PKN2: variants seen among roughly 807,000 people sequenced by gnomAD.
The protein encoded by PKN2 is serine/threonine-protein kinase N2.
In PKN2, 38 loss-of-function variants were observed where a neutral mutation model predicts 119.1. The ratio of observed to expected loss-of-function variants is 0.32; its 90% CI spans 0.25 to 0.42. The LOEUF is 0.42. PKN2 is among the 10% of genes least tolerant of loss of function. PKN2 has a pLI of 1.00. For missense variants in PKN2, 850 were observed against 1,165.1 expected (o/e 0.73, Z 3.94); for synonymous variants, 390 against 384.9 (o/e 1.01, Z -0.15).
chr1:88,818,042 A>G (rs1403327687), intron 16 of PKN2, among the ~76,000 whole-genome samples: 5 of 152,194 alleles, frequency 3.3e-5, no homozygotes, highest in Admixed American at 6.5e-5. Context: ...ATACAAATCA[A>G]TGTGCAAAAA....
chr1:88,691,038 T>C (rs1666313403), intron 1 of PKN2, among the ~76,000 whole-genome samples: 1 of 152,150 alleles, frequency 6.6e-6, no homozygotes, highest in Non-Finnish European at 1.5e-5. Flanking sequence ...ACACAATACA[T>C]GTGCTGAGAG....
At chr1:88,819,395 CA>C (rs536105953) in intron 16 of PKN2, among the ~76,000 whole-genome samples, 133 of 152,002 alleles carry the variant, frequency 8.7e-4, no homozygotes, top group African/African-American at 2.7e-3. Flanking sequence ...GACATTTATC[CA>C]AAAAACATAT....
chr1:88,716,759 C>T (rs549438798), intron 1 of PKN2, among the ~76,000 whole-genome samples: 1 of 152,190 alleles, frequency 6.6e-6, no homozygotes, highest in Admixed American at 6.5e-5. Flanking sequence ...GTTTGCCAGT[C>T]TGTGTCTTTT....
At chr1:88,718,713 A>G (rs922729330) in intron 1 of PKN2, among the ~76,000 whole-genome samples, 1 of 152,206 alleles carries the variant, frequency 6.6e-6, no homozygotes. Context: ...GGACTATCCT[A>G]TATTTAATAA....
intron 2 of PKN2, among the ~76,000 whole-genome samples, chr1:88,743,297 A>G (rs935422417): frequency 4.6e-5 from 7 of 152,200 alleles, no homozygotes; most frequent in African/African-American, 1.2e-4. Flanking sequence ...CCAGCTAACC[A>G]TCTCTACAAT....
intron 1 of PKN2, among the ~76,000 whole-genome samples, chr1:88,723,016 C>T (rs1399486667): frequency 6.6e-6 from 1 of 152,084 alleles, no homozygotes; most frequent in Non-Finnish European, 1.5e-5. Context: ...GATCAAGGAT[C>T]GCTTTCCACC....
intron 1 of PKN2, among the ~76,000 whole-genome samples, chr1:88,716,418 G>T (rs904937039): frequency 6.6e-6 from 1 of 152,152 alleles, no homozygotes; most frequent in Non-Finnish European, 1.5e-5. Flanking sequence ...TTATTATTGT[G>T]TGGGAGTCTA....
chr1:88,687,204 C>T lies in PKN2; in HGVS notation c.48+2576C>T, dbSNP rs140657725. ...CTACAGTATTCTGTCTTGTTAATTA[C>T]TGTAATAGCATGGAGTAATGTTTTT... On this transcript the variant is annotated intron_variant, in intron 1 of 21. Coordinates refer to ENST00000370521, the MANE Select transcript of PKN2 (RefSeq NM_006256.4). Among the ~76,000 whole-genome samples the T allele has an allele frequency of 2.5e-3, 375 of 152,158 alleles. 1 individual carries two copies. Among genetic ancestry groups the T allele is most frequent in the African/African-American group, 8.7e-3 (362 of 41,538 alleles).
intron 19 of PKN2, chr1:88,828,871 G>A: frequency 1.7e-6 from 1 of 602,296 alleles, no homozygotes; most frequent in East Asian, 3.1e-5. Flanking sequence ...CTTTTATTAT[G>A]TTTTCTGATT....
chr1:88,806,276 TCTC>T (rs1183510448), intron 12 of PKN2: 3 of 395,944 alleles, frequency 7.6e-6, no homozygotes, highest in Non-Finnish European at 1.4e-5. Context: ...TGCAAGCCAT[TCTC>T]CTATCTCAGC....
In PKN2 at chr1:88,833,302, A is replaced by G. The variant is rs543193317; in HGVS notation, c.2809A>G (p.Ile937Val). 1.2e-5 allele frequency: 19 copies of G among 1,613,458 alleles called. No individual in the cohort carries two copies. The Admixed American group carries it at 1.3e-4, about 11-fold the overall frequency. Residue 937 changes from isoleucine to valine, a missense_variant, in exon 22 of 22, where the codon ATA becomes GTA. By Grantham distance (29) the Ile-to-Val change is conservative (BLOSUM62 3). This residue lies in a region of PKN2 where 95 missense variants were observed against 150.2 expected (regional missense o/e 0.63). Coordinates refer to ENST00000370521, the MANE Select transcript of PKN2 (RefSeq NM_006256.4). ...AGTAAAGCCACCATTTATACCTACC[A>G]TAAGAGGACGAGAAGATGTTAGTAA... ...KKVKPPFIPT[I>V]RGREDVSNFD...
intron 1 of PKN2, among the ~76,000 whole-genome samples, chr1:88,698,643 A>G (rs1004172116): frequency 2.0e-5 from 3 of 152,242 alleles, no homozygotes; most frequent in Non-Finnish European, 4.4e-5. Flanking sequence ...ACTGAAATGT[A>G]TAAAATTAGA....
Position 88,740,984 on chromosome 1 carries a change from G to T in PKN2, c.49-4G>T. Reference sequence around the variant, plus strand: ...CCACATTTGTATGTTTATTTTTTCTGTAGGGGGATTCCCGAAGTCTTCCGT... The same window carrying T: ...CCACATTTGTATGTTTATTTTTTCTTTAGGGGGATTCCCGAAGTCTTCCGT... On this transcript the variant is annotated splice_polypyrimidine_tract_variant and splice_region_variant and intron_variant, in intron 1 of 21. Coordinates refer to ENST00000370521, the MANE Select transcript of PKN2 (RefSeq NM_006256.4). The T allele has an allele frequency of 1.9e-6, 3 of 1,548,688 alleles. No individual in the cohort carries two copies. Among genetic ancestry groups the T allele is most frequent in the Non-Finnish European group, 2.6e-6 (3 of 1,153,882 alleles).
chr1:88,819,381 T>G (rs1385059440), intron 16 of PKN2, among the ~76,000 whole-genome samples: 1 of 151,880 alleles, frequency 6.6e-6, no homozygotes, highest in Non-Finnish European at 1.5e-5. Context: ...CAGACACTTC[T>G]CAAGACATTT....
In PKN2 at chr1:88,836,061, T is replaced by A. The variant is rs982823077; in HGVS notation, c.*2613T>A. 3.3e-5 allele frequency: 5 copies of A among 152,130 alleles called. No individual in the cohort carries two copies. The highest frequency in any genetic ancestry group is 7.4e-5 in the Non-Finnish European group (5 of 67,988). The allele number at this position is 152,130 out of a possible 1,614,324, so 9.4% of individuals were successfully genotyped here. A position where few individuals can be genotyped will look rare whatever the true frequency, so the allele number is the denominator to read the frequency against. ...TATTTGAAGCATATTTATGGACTGC[T>A]TACTGTGTATAGATACTGAGAATAG... On this transcript the variant is annotated 3_prime_UTR_variant, in exon 22 of 22. Coordinates refer to ENST00000370521, the MANE Select transcript of PKN2 (RefSeq NM_006256.4).
At chr1:88,761,005 C>T (rs111940179) in intron 3 of PKN2, among the ~76,000 whole-genome samples, 2,026 of 151,856 alleles carry the variant, frequency 0.013, 45 homozygotes, top group African/African-American at 0.047. Flanking sequence ...TGGGAGAGGG[C>T]CAATGAAAAG....
intron 1 of PKN2, among the ~76,000 whole-genome samples, chr1:88,685,411 G>C (rs968434173): frequency 6.6e-6 from 1 of 152,120 alleles, no homozygotes. Flanking sequence ...TAATGAGAAA[G>C]CAGTCGACTA....
chr1:88,765,305 C>A (rs910095730), intron 3 of PKN2, among the ~76,000 whole-genome samples: 2 of 148,742 alleles, frequency 1.3e-5, no homozygotes, highest in African/African-American at 2.5e-5. Context: ...AAAGACATGT[C>A]TCCTGTTTAT....
chr1:88,724,746 ATTT>A (rs1557567397), intron 1 of PKN2, among the ~76,000 whole-genome samples: 1 of 150,514 alleles, frequency 6.6e-6, no homozygotes, highest in Non-Finnish European at 1.5e-5. Context: ...TAATTTTTGT[ATTT>A]TTTAAGTAGA....
Sources: allele counts gnomAD v4.1 joint callset (sites outside exome capture counted in the v4.1 genomes callset), GRCh38; gene constraint gnomAD v4.1.1; regional missense constraint gnomAD v4.1.1; transcripts MANE v1.5; gene names NCBI Gene and HGNC (gene_info 2026-07-23, HGNC 2026-07-21).